GPR137C: variants seen among roughly 807,000 people sequenced by gnomAD.
GPR137C encodes the protein integral membrane protein GPR137C.
In GPR137C, 27 loss-of-function variants were observed where a neutral mutation model predicts 43.4. The ratio of observed to expected loss-of-function variants is 0.62; its 90% CI spans 0.46 to 0.86. The LOEUF (loss-of-function observed/expected upper bound fraction) is 0.86, where lower values mean the gene tolerates loss of function less well. Among genes scored for constraint, GPR137C ranks in the 40% least tolerant of loss-of-function variants. The probability of loss-of-function intolerance (pLI) is 0.00; values close to 1 mark genes in which losing one functional copy is unlikely to be tolerated. For synonymous variants in GPR137C, 285 were observed against 226.9 expected (o/e 1.26, Z -2.30); for missense variants, 522 against 534.6 (o/e 0.98, Z 0.23).
At chr14:52,601,559 CTTA>C (rs2038926346) in intron 3 of GPR137C, among the ~76,000 whole-genome samples, 1 of 151,556 alleles carries the variant, frequency 6.6e-6, no homozygotes, top group South Asian at 2.1e-4. Context: ...GACTTTCAAA[CTTA>C]TTAATCTTAC....
chr14:52,597,640 A>AC (rs1353308496), intron 1 of GPR137C, among the ~76,000 whole-genome samples: 2 of 152,214 alleles, frequency 1.3e-5, no homozygotes, highest in Non-Finnish European at 2.9e-5. Context: ...TTTAAAGTTC[A>AC]CCAGTAAGGA....
chr14:52,556,904 T>G (rs1296830774), intron 1 of GPR137C, among the ~76,000 whole-genome samples: 1 of 152,052 alleles, frequency 6.6e-6, no homozygotes, highest in Non-Finnish European at 1.5e-5. Flanking sequence ...GTCTTAGGAG[T>G]GCCAGTTGCT....
chr14:52,634,347 G>A (rs542512700), intron 6 of GPR137C, among the ~76,000 whole-genome samples: 13 of 152,154 alleles, frequency 8.5e-5, no homozygotes, highest in African/African-American at 2.9e-4. Context: ...CATAGGAAAT[G>A]TTCCCATGCC....
chr14:52,570,177 T>G (rs926388081), intron 1 of GPR137C, among the ~76,000 whole-genome samples: 2 of 151,890 alleles, frequency 1.3e-5, no homozygotes, highest in Admixed American at 6.6e-5. Context: ...CAGAAGAGAG[T>G]GGGGGCCAAT....
intron 1 of GPR137C, among the ~76,000 whole-genome samples, chr14:52,586,606 G>A (rs567233463): frequency 3.3e-5 from 5 of 152,102 alleles, no homozygotes; most frequent in African/African-American, 1.2e-4. Context: ...TTACTCTTGT[G>A]CTTTCTAATT....
chr14:52,554,064 C>T (rs755865541), intron 1 of GPR137C, among the ~76,000 whole-genome samples: 11 of 152,176 alleles, frequency 7.2e-5, no homozygotes, highest in Non-Finnish European at 1.3e-4. Context: ...GCTATTGTTG[C>T]TGCGTTTCTT....
chr14:52,626,501 C>T (rs2039229157), intron 3 of GPR137C, among the ~76,000 whole-genome samples: 1 of 150,872 alleles, frequency 6.6e-6, no homozygotes, highest in Non-Finnish European at 1.5e-5. Flanking sequence ...AAGGAAAGTA[C>T]TTCAATATCA....
At chr14:52,613,997 A>G (rs2039068327) in intron 3 of GPR137C, among the ~76,000 whole-genome samples, 1 of 152,156 alleles carries the variant, frequency 6.6e-6, no homozygotes, top group Non-Finnish European at 1.5e-5. Context: ...CCTTTTCCTC[A>G]CAACCTTACC....
rs201559342 is a variant in GPR137C at position 52,553,559 on chromosome 14, A to G, written c.412A>G (p.Thr138Ala). The G allele has an allele frequency of 1.4e-4, 231 of 1,600,978 alleles. 1 individual carries two copies. The East Asian group carries it at 5.0e-3, about 35-fold the overall frequency. The stretch of plus-strand genomic sequence containing the variant: ...CTTCCCCTCCTGTCTCCAGTTCTCC[A>G]CGCTCTGTCTCCTCAACCTCTACCT... ...YCFPSCLQFSTLCLLNLYLAE... is the reference protein window; with the variant it reads ...YCFPSCLQFSALCLLNLYLAE... The change falls in exon 1 of 7, where the codon ACG becomes GCG. Residue 138 changes from threonine (T) to alanine (A), a missense_variant. By Grantham distance (58) the Thr-to-Ala change is moderately conservative. Transcript: ENST00000321662.
Position 52,607,653 on chromosome 14 carries a change from A to G in GPR137C, c.717+7312A>G, listed in dbSNP as rs1487581592. Among the ~76,000 whole-genome samples, 3 of 152,262 alleles carry G rather than the reference A, an allele frequency of 2.0e-5. No individual in the cohort carries two copies. The East Asian group carries it at 5.8e-4, about 29-fold the overall frequency. ...CACTTTAGGAAGCCAAGGTGGGCAGATGGCTTGGCTCAGGAGTTCAAGACC... is the reference window on the plus strand; with the variant it reads ...CACTTTAGGAAGCCAAGGTGGGCAGGTGGCTTGGCTCAGGAGTTCAAGACC... On this transcript the variant is annotated intron_variant, in intron 3 of 6. Transcript: ENST00000321662.
intron 1 of GPR137C, among the ~76,000 whole-genome samples, chr14:52,575,482 G>A (rs889315476): frequency 1.3e-5 from 2 of 152,150 alleles, no homozygotes; most frequent in African/African-American, 4.8e-5. Flanking sequence ...AACACAAAGT[G>A]GAGATGTTAA....
intron 1 of GPR137C, among the ~76,000 whole-genome samples, chr14:52,585,114 A>G (rs757876199): frequency 6.6e-6 from 1 of 152,166 alleles, no homozygotes; most frequent in Non-Finnish European, 1.5e-5. Context: ...CTTTCCTAGA[A>G]AAAAATAGAA....
Position 52,601,478 on chromosome 14 carries a change from A to ATG in GPR137C, c.717+1157_717+1158dup, listed in dbSNP as rs149787520. 4.9e-3 allele frequency among the ~76,000 whole-genome samples: 731 copies of ATG among 148,406 alleles called. 10 individuals are homozygous for ATG. In the East Asian group the frequency reaches 0.055, roughly 11 times the overall value. On this transcript the variant is annotated intron_variant, in intron 3 of 6. Transcript: ENST00000321662. Reference sequence around the variant, plus strand: ...TCAGTGGAATGCTGGGGGAGATATTATGTGTGTGTGTGTGTGTGTGTATAT... The same window carrying ATG: ...TCAGTGGAATGCTGGGGGAGATATTATGTGTGTGTGTGTGTGTGTGTGTATAT...
intron 1 of GPR137C, 92 bp downstream of exon 1, chr14:52,553,683 G>A (rs965723262): frequency 1.4e-5 from 9 of 625,026 alleles, no homozygotes; most frequent in African/African-American, 3.7e-5. Context: ...GCGGGGGGTG[G>A]GCAGCGAGAG....
chr14:52,599,982 T>A, intron 2 of GPR137C, 131 bp from the exon 3 acceptor site: 1 of 640,858 alleles, frequency 1.6e-6, no homozygotes. Context: ...GAATAAATGC[T>A]TAAAAATCTA....
At chr14:52,574,718 A>G (rs2038525288) in intron 1 of GPR137C, among the ~76,000 whole-genome samples, 1 of 152,206 alleles carries the variant, frequency 6.6e-6, no homozygotes, top group South Asian at 2.1e-4. Context: ...ATAATTTACA[A>G]AAAAATCCAG....
chr14:52,580,923 G>C (rs1470557171), intron 1 of GPR137C, among the ~76,000 whole-genome samples: 1 of 149,210 alleles, frequency 6.7e-6, no homozygotes, highest in African/African-American at 2.4e-5. Context: ...TATTGGCCAG[G>C]CCTGGTGGCT....
rs114453668 is a variant in GPR137C, at chr14:52,609,752, G to A, written c.717+9411G>A. Among the ~76,000 whole-genome samples the A allele has an allele frequency of 7.7e-3, 1,168 of 152,272 alleles. 16 individuals carry two copies. Among genetic ancestry groups the A allele is most frequent in the African/African-American group, 0.027 (1,112 of 41,548 alleles). On this transcript the variant is annotated intron_variant, in intron 3 of 6. Coordinates refer to ENST00000321662, the MANE Select transcript of GPR137C (RefSeq NM_001099652.2). Reference sequence around the variant, plus strand: ...GTACCGGGGCTGGGTGGGAATGCTGGCCAGGGACCCAAGTCCAGAAAACTG... The same window carrying A: ...GTACCGGGGCTGGGTGGGAATGCTGACCAGGGACCCAAGTCCAGAAAACTG...
intron 3 of GPR137C, among the ~76,000 whole-genome samples, chr14:52,609,971 G>A (rs1030576631): frequency 2.6e-5 from 4 of 152,046 alleles, no homozygotes; most frequent in South Asian, 2.1e-4. Flanking sequence ...ACTTCTCACC[G>A]CAAAACATAC....
Sources: allele counts gnomAD v4.1 joint callset (sites outside exome capture counted in the v4.1 genomes callset), GRCh38; gene constraint gnomAD v4.1.1; transcripts MANE v1.5; gene names NCBI Gene and HGNC (gene_info 2026-07-23, HGNC 2026-07-21).